The following GPHN variants were observed in gnomAD, a reference collection of about 807,000 sequenced individuals.
GPHN encodes the protein gephyrin.
GPHN carries 17 observed loss-of-function variants against 95.5 expected under a neutral mutation model. The observed-to-expected ratio is 0.18, with a 90% CI of 0.12 to 0.27. The LOEUF (loss-of-function observed/expected upper bound fraction) is 0.27, where lower values mean the gene tolerates loss of function less well. Ranked by LOEUF, GPHN falls within the 10% of genes least tolerant of loss-of-function variation. The probability of loss-of-function intolerance (pLI) is 1.00; values close to 1 mark genes in which losing one functional copy is unlikely to be tolerated. For missense variants in GPHN, 660 were observed against 978.1 expected (o/e 0.67, Z 4.34); for synonymous variants, 320 against 322.5 (o/e 0.99, Z 0.08).
At chr14:67,468,263 C>T in the GPHN span, among the ~76,000 whole-genome samples, 5 of 152,144 alleles carry the variant, frequency 3.3e-5, no homozygotes, top group Admixed American at 2.0e-4. Context: ...CTTGAGCCAC[C>T]GCACCTGGCC....
chr14:66,974,926 AT>A (rs755622105), intron 9 of GPHN, among the ~76,000 whole-genome samples: 10 of 152,172 alleles, frequency 6.6e-5, no homozygotes, highest in Non-Finnish European at 1.0e-4. Flanking sequence ...ATGAAAAATA[AT>A]GATACTATTT....
rs143540488 is a variant in GPHN at position 67,000,752 on chromosome 14, C to A, written c.964-22881C>A. 3.3e-4 allele frequency among the ~76,000 whole-genome samples: 50 copies of A among 151,436 alleles called. 1 individual carries two copies. Among genetic ancestry groups the A allele is most frequent in the East Asian group, 1.9e-3 (10 of 5,186 alleles). On this transcript the variant is annotated intron_variant, in intron 9 of 22. Transcript: ENST00000478722. ...TGTTAAAAATAAAATTAGTATATAT[C>A]TCTCTCTCTGACATACATATTAGTA...
chr14:67,577,616 C>G, the GPHN span, among the ~76,000 whole-genome samples: 1 of 152,170 alleles, frequency 6.6e-6, no homozygotes, highest in African/African-American at 2.4e-5. Flanking sequence ...ATGCACAAGT[C>G]CTTGGGAAAT....
intron 1 of GPHN, among the ~76,000 whole-genome samples, chr14:66,512,663 T>A (rs1462438769): frequency 6.6e-6 from 1 of 151,778 alleles, no homozygotes; most frequent in East Asian, 1.9e-4. Context: ...AAAGACTAAT[T>A]GTAAATGAGA....
the GPHN span, among the ~76,000 whole-genome samples, chr14:67,408,781 C>G: frequency 6.6e-6 from 1 of 152,216 alleles, no homozygotes; most frequent in Non-Finnish European, 1.5e-5. Context: ...TGCTCTTTTT[C>G]TTCTACGCAT....
At chr14:67,453,525 T>C in the GPHN span, among the ~76,000 whole-genome samples, 4 of 152,208 alleles carry the variant, frequency 2.6e-5, no homozygotes, top group African/African-American at 9.6e-5. Context: ...TTCCTGCCCA[T>C]CAGGGATGTA....
At chr14:66,973,615 T>C (rs112584898) in intron 9 of GPHN, among the ~76,000 whole-genome samples, 2,303 of 152,128 alleles carry the variant, frequency 0.015, 33 homozygotes, top group Non-Finnish European at 0.018. Flanking sequence ...AAAATTTAGC[T>C]GGGCGTGGTG....
chr14:67,177,616 C>T (rs2083070619), intron 21 of GPHN, among the ~76,000 whole-genome samples: 1 of 152,126 alleles, frequency 6.6e-6, no homozygotes, highest in Non-Finnish European at 1.5e-5. Context: ...AAGCTGAGTT[C>T]AAGTCCTGGA....
At position 66,814,422 on chromosome 14, in the gene GPHN, C is replaced by G. The variant is rs117284707; in HGVS notation, c.202-10052C>G. 1.6e-3 allele frequency among the ~76,000 whole-genome samples: 240 copies of G among 152,294 alleles called. 7 individuals carry two copies. The East Asian group carries it at 0.042, about 27-fold the overall frequency. ...AGGCACCCCTGCATCTGTTAGCACT[C>G]TTCTGCAGATGCTGCACCTCAGAAC... is the stretch of plus-strand genomic sequence containing the variant. On this transcript the variant is annotated intron_variant, in intron 3 of 22. Transcript: ENST00000478722.
chr14:67,204,424 A>G, the GPHN span: 1 of 1,369,152 alleles, frequency 7.3e-7, no homozygotes, highest in Non-Finnish European at 9.5e-7. Context: ...CGTGGGCAAC[A>G]GAGTGAGAAC....
At chr14:66,529,784 A>G (rs2058838040) in intron 1 of GPHN, among the ~76,000 whole-genome samples, 1 of 152,120 alleles carries the variant, frequency 6.6e-6, no homozygotes, top group Non-Finnish European at 1.5e-5. Flanking sequence ...TTGCATAGGT[A>G]TCACCAGTGG....
the GPHN span, chr14:67,450,110 CTTT>C: frequency 7.5e-5 from 11 of 147,092 alleles, no homozygotes; most frequent in Non-Finnish European, 1.0e-4. Context: ...TGCACAATCT[CTTT>C]TTTTTTTTTT....
At chr14:67,572,172 C>T in the GPHN span, 4,925 of 1,607,474 alleles carry the variant, frequency 3.1e-3, 46 homozygotes, top group African/African-American at 0.026. Flanking sequence ...AGGGTGACTA[C>T]GCCATCCCCC....
the GPHN span, among the ~76,000 whole-genome samples, chr14:67,540,583 A>C: frequency 1.3e-5 from 2 of 151,308 alleles, no homozygotes; most frequent in Non-Finnish European, 2.9e-5. Flanking sequence ...CCAAAATTGC[A>C]CCATTGTACT....
At chr14:67,393,674 G>A in the GPHN span, among the ~76,000 whole-genome samples, 1 of 152,016 alleles carries the variant, frequency 6.6e-6, no homozygotes, top group Admixed American at 6.5e-5. Context: ...GGCTGGTCTC[G>A]AACTCCTGAC....
At chr14:67,154,618 T>G (rs543777110) in intron 18 of GPHN, among the ~76,000 whole-genome samples, 123 of 152,056 alleles carry the variant, frequency 8.1e-4, no homozygotes, top group Admixed American at 1.7e-3. Context: ...TATAGATATA[T>G]ATAGATATAT....
intron 1 of GPHN, among the ~76,000 whole-genome samples, chr14:66,517,126 C>CAAAAAAAAAAAAAA (rs1171024713): frequency 9.7e-5 from 3 of 31,018 alleles, no homozygotes; most frequent in Non-Finnish European, 1.5e-4. Flanking sequence ...GACTCCATCT[C>CAAAAAAAAAAAAAA]AAAAAAAAAA....
chr14:66,557,269 A>ATAGC (rs1387290607), intron 1 of GPHN, among the ~76,000 whole-genome samples: 1 of 151,456 alleles, frequency 6.6e-6, no homozygotes, highest in Non-Finnish European at 1.5e-5. Flanking sequence ...AGATAGATAG[A>ATAGC]TAGATAGATA....
chr14:66,555,478 T>C (rs1295153874), intron 1 of GPHN, among the ~76,000 whole-genome samples: 1 of 152,048 alleles, frequency 6.6e-6, no homozygotes, highest in Non-Finnish European at 1.5e-5. Flanking sequence ...AGTTAATGAA[T>C]GTGTCCTATG....
Sources: allele counts gnomAD v4.1 joint callset (sites outside exome capture counted in the v4.1 genomes callset), GRCh38; gene constraint gnomAD v4.1.1; transcripts MANE v1.5; gene names NCBI Gene and HGNC (gene_info 2026-07-23, HGNC 2026-07-21).